Variants in CHD9NB observed in about 807,000 individuals in gnomAD.
CHD9NB encodes CHD9 neighbor protein.
At chr16:53,051,729 T>G in the CHD9NB span, among the ~76,000 whole-genome samples, 1 of 144,444 alleles carries the variant, frequency 6.9e-6, no homozygotes, top group East Asian at 2.1e-4. Flanking sequence ...GTAACAAACC[T>G]GCACATTGTG....
At chr16:53,047,361 A>G in the CHD9NB span, 1 of 152,176 alleles carries the variant, frequency 6.6e-6, no homozygotes, top group Non-Finnish European at 1.5e-5. Flanking sequence ...TGAGCCCTGG[A>G]TGCCATAAGA....
At chr16:53,049,442 T>C in the CHD9NB span, among the ~76,000 whole-genome samples, 2 of 152,108 alleles carry the variant, frequency 1.3e-5, no homozygotes, top group East Asian at 3.9e-4. Flanking sequence ...TCCCAAAGTG[T>C]TGGGATTACA....
At chr16:53,037,768 C>T in the CHD9NB span, among the ~76,000 whole-genome samples, 1 of 152,182 alleles carries the variant, frequency 6.6e-6, no homozygotes, top group Non-Finnish European at 1.5e-5. Flanking sequence ...TCCCACAATT[C>T]CCAAATGAAT....
chr16:53,041,226 G>A, the CHD9NB span, among the ~76,000 whole-genome samples: 2,284 of 152,342 alleles, frequency 0.015, 48 homozygotes, highest in African/African-American at 0.052. Flanking sequence ...GCCTTTGCAG[G>A]CCTGTTTTTC....
chr16:53,051,336 A>G, the CHD9NB span, among the ~76,000 whole-genome samples: 1 of 152,210 alleles, frequency 6.6e-6, no homozygotes, highest in Admixed American at 6.6e-5. Context: ...AAAAGGGTGA[A>G]CAGAACAAGA....
chr16:53,049,962 C>T, the CHD9NB span, among the ~76,000 whole-genome samples: 2 of 152,112 alleles, frequency 1.3e-5, no homozygotes, highest in Non-Finnish European at 2.9e-5. Context: ...CCAGCACTTT[C>T]GGAGGCCGAG....
the CHD9NB span, among the ~76,000 whole-genome samples, chr16:53,036,942 ATTTT>A: frequency 6.8e-6 from 1 of 147,818 alleles, no homozygotes; most frequent in Non-Finnish European, 1.5e-5. Context: ...GCTTCATCAA[ATTTT>A]TTTTTTTTGA....
the CHD9NB span, chr16:53,043,292 A>G: frequency 6.6e-6 from 1 of 152,216 alleles, no homozygotes; most frequent in Non-Finnish European, 1.5e-5. Context: ...AGATATGTGA[A>G]TGTTAGCAGA....
chr16:53,046,738 C>G, the CHD9NB span, among the ~76,000 whole-genome samples: 1 of 151,998 alleles, frequency 6.6e-6, no homozygotes, highest in Non-Finnish European at 1.5e-5. Flanking sequence ...ACCACCTCTC[C>G]CAGACACATC....
chr16:53,037,689 C>T, the CHD9NB span, among the ~76,000 whole-genome samples: 4 of 152,232 alleles, frequency 2.6e-5, no homozygotes, highest in African/African-American at 9.6e-5. Context: ...GTTATTTCTA[C>T]ACCTTTTGCA....
chr16:53,046,307 AT>A, the CHD9NB span, among the ~76,000 whole-genome samples: 1 of 151,990 alleles, frequency 6.6e-6, no homozygotes, highest in Admixed American at 6.6e-5. Context: ...AAACCCTAGG[AT>A]TGTGCATGGA....
chr16:53,047,621 C>A, the CHD9NB span, among the ~76,000 whole-genome samples: 7 of 152,218 alleles, frequency 4.6e-5, no homozygotes, highest in African/African-American at 1.4e-4. Flanking sequence ...CCCATCCTTA[C>A]GACGTCATTT....
the CHD9NB span, chr16:53,043,848 G>A: frequency 2.5e-6 from 1 of 396,694 alleles, no homozygotes; most frequent in Non-Finnish European, 4.4e-6. Context: ...AGCAAAGGCT[G>A]CTAAAAACTT....
At chr16:53,036,405 T>G in the CHD9NB span, among the ~76,000 whole-genome samples, 2 of 152,226 alleles carry the variant, frequency 1.3e-5, no homozygotes, top group Non-Finnish European at 2.9e-5. Flanking sequence ...CTGGCTCCTT[T>G]GCAGCTTATC....
chr16:53,039,302 C>T, the CHD9NB span, among the ~76,000 whole-genome samples: 3 of 152,136 alleles, frequency 2.0e-5, no homozygotes, highest in Admixed American at 6.5e-5. Context: ...AGGACGATGT[C>T]TCTCCTTCTC....
At chr16:53,044,963 G>T in the CHD9NB span, among the ~76,000 whole-genome samples, 1 of 152,038 alleles carries the variant, frequency 6.6e-6, no homozygotes, top group Non-Finnish European at 1.5e-5. Flanking sequence ...TTCAGACAAG[G>T]TCTCACTCTG....
At chr16:53,041,102 A>G in the CHD9NB span, among the ~76,000 whole-genome samples, 1 of 152,176 alleles carries the variant, frequency 6.6e-6, no homozygotes, top group Admixed American at 6.6e-5. Context: ...TAATGGATGG[A>G]AAGATGGATG....
chr16:53,042,543 T>G, the CHD9NB span, among the ~76,000 whole-genome samples: 1 of 133,370 alleles, frequency 7.5e-6, no homozygotes, highest in Non-Finnish European at 1.6e-5. Flanking sequence ...CTTTCCTCCC[T>G]TCCCTCCCTC....
chr16:53,052,364 G>A, the CHD9NB span, among the ~76,000 whole-genome samples: 11 of 151,964 alleles, frequency 7.2e-5, no homozygotes, highest in African/African-American at 2.7e-4. Flanking sequence ...ATGATCACCT[G>A]GATGACAGAA....
Sources: gnomAD v4.1 joint callset for allele counts (sites outside exome capture counted in the v4.1 genomes callset) on GRCh38, gnomAD v4.1.1 for gene constraint, MANE v1.5 for transcripts, NCBI Gene and HGNC (gene_info 2026-07-23, HGNC 2026-07-21) for gene names.